CREM: variants seen among roughly 807,000 people sequenced by gnomAD.
The protein encoded by CREM is cAMP responsive element modulator, also known as cAMP-responsive element modulator.
In CREM, 13 loss-of-function variants were observed where a neutral mutation model predicts 37.3. The observed-to-expected ratio is 0.35, with a 90% CI of 0.23 to 0.55. The LOEUF (loss-of-function observed/expected upper bound fraction) is 0.55, where lower values mean the gene tolerates loss of function less well. Among genes scored for constraint, CREM ranks in the 20% least tolerant of loss-of-function variants. The pLI is 0.88. For synonymous variants in CREM, 124 were observed against 120.2 expected (o/e 1.03, Z -0.21); for missense variants, 296 against 362.3 (o/e 0.82, Z 1.49).
chr10:35,137,972 G>A (rs2090833367), intron 2 of CREM, 93 bp downstream of exon 2: 24 of 791,268 alleles, frequency 3.0e-5, no homozygotes, highest in Non-Finnish European at 4.2e-5. Flanking sequence ...ACACATACAT[G>A]TATGTATGTA....
intron 1 of CREM, among the ~76,000 whole-genome samples, chr10:35,130,609 T>A (rs2089174146): frequency 6.6e-6 from 1 of 152,240 alleles, no homozygotes; most frequent in African/African-American, 2.4e-5. Context: ...CTAGCTGTCC[T>A]AATGTCAGAG....
chr10:35,156,706 G>A (rs1056060309), intron 3 of CREM, among the ~76,000 whole-genome samples: 2 of 152,170 alleles, frequency 1.3e-5, no homozygotes, highest in Admixed American at 1.3e-4. Flanking sequence ...CACAAATGTG[G>A]ATTTTTGTAG....
At chr10:35,145,373 G>T (rs2091955897) in intron 2 of CREM, among the ~76,000 whole-genome samples, 1 of 151,826 alleles carries the variant, frequency 6.6e-6, no homozygotes, top group Non-Finnish European at 1.5e-5. Flanking sequence ...TTTCTACCTG[G>T]TGAAATCCTA....
chr10:35,163,420 A>G (rs111540151), intron 3 of CREM, among the ~76,000 whole-genome samples: 22,895 of 152,060 alleles, frequency 0.15, 1,943 homozygotes, highest in East Asian at 0.24. Flanking sequence ...ATGATGGCTC[A>G]TGCCTGTAAT....
intron 3 of CREM, among the ~76,000 whole-genome samples, chr10:35,162,874 A>T (rs2093362854): frequency 6.6e-6 from 1 of 152,200 alleles, no homozygotes; most frequent in Non-Finnish European, 1.5e-5. Flanking sequence ...TTCTTCGGGC[A>T]CCAGCAAATC....
chr10:35,209,247 CT>C, intron 7 of CREM: 1 of 880,238 alleles, frequency 1.1e-6, no homozygotes, highest in Non-Finnish European at 1.4e-6. Context: ...TGATTGGCAT[CT>C]ATAATCGATA....
intron 1 of CREM, among the ~76,000 whole-genome samples, chr10:35,134,414 G>A (rs1037494203): frequency 1.3e-5 from 2 of 151,946 alleles, no homozygotes; most frequent in Non-Finnish European, 2.9e-5. Flanking sequence ...ACAGGGTTTC[G>A]CCATGTTGGC....
intron 3 of CREM, among the ~76,000 whole-genome samples, chr10:35,151,217 G>A (rs2092576785): frequency 6.6e-6 from 1 of 152,218 alleles, no homozygotes; most frequent in Admixed American, 6.5e-5. Flanking sequence ...GTTTACGTTT[G>A]TAATGCTTCT....
intron 3 of CREM, chr10:35,152,222 A>T (rs902565378): frequency 6.6e-6 from 1 of 152,218 alleles, no homozygotes; most frequent in South Asian, 2.1e-4. Context: ...AGTGGGTTTG[A>T]TTCTTTGCAT....
At chr10:35,150,178 G>A (rs909784774) in intron 3 of CREM, among the ~76,000 whole-genome samples, 2 of 152,002 alleles carry the variant, frequency 1.3e-5, no homozygotes, top group African/African-American at 2.4e-5. Flanking sequence ...CTTTGCTGAA[G>A]TTGTAGTTGA....
At position 35,170,032 on chromosome 10, in the gene CREM, C is replaced by G. The variant is rs1280140330; in HGVS notation, c.169-8857C>G. Among the ~76,000 whole-genome samples, 21 of 144,828 alleles carry G rather than the reference C, an allele frequency of 1.5e-4. No individual in the cohort carries two copies. In the South Asian group the frequency reaches 4.3e-3, roughly 29 times the overall value. The stretch of plus-strand genomic sequence containing the variant: ...AGCTGGAGTGCAGTGGCATGATCTT[C>G]GCTCACTGCAAGCTCCATCTCCTGG... On this transcript the variant is annotated intron_variant, in intron 3 of 7. Transcript: ENST00000685392.
chr10:35,175,672 A>G, intron 3 of CREM: 1 of 1,614,048 alleles, frequency 6.2e-7, no homozygotes, highest in South Asian at 1.1e-5. Context: ...ACATCAGAAA[A>G]TGACTGTTCC....
intron 2 of CREM, among the ~76,000 whole-genome samples, chr10:35,141,561 G>A (rs1423053418): frequency 2.6e-5 from 4 of 152,154 alleles, no homozygotes; most frequent in Non-Finnish European, 4.4e-5. Context: ...GGGAACTCGG[G>A]TAGAAAGTTT....
At chr10:35,189,859 G>A (rs975120207) in intron 6 of CREM, among the ~76,000 whole-genome samples, 3 of 152,176 alleles carry the variant, frequency 2.0e-5, no homozygotes, top group South Asian at 2.1e-4. Context: ...GGTATGATAA[G>A]CATATTATAA....
At chr10:35,151,824 TGAA>T (rs1159284370) in intron 3 of CREM, among the ~76,000 whole-genome samples, 3 of 152,260 alleles carry the variant, frequency 2.0e-5, no homozygotes, top group African/African-American at 4.8e-5. Context: ...CATGATTTTT[TGAA>T]GAATTAGAAG....
At chr10:35,141,207 A>G (rs2091375279) in intron 2 of CREM, among the ~76,000 whole-genome samples, 1 of 152,244 alleles carries the variant, frequency 6.6e-6, no homozygotes, top group Non-Finnish European at 1.5e-5. Flanking sequence ...AATCAAAACT[A>G]CCAGGCACTT....
At chr10:35,162,465 T>C (rs1419586475) in intron 3 of CREM, among the ~76,000 whole-genome samples, 1 of 152,212 alleles carries the variant, frequency 6.6e-6, no homozygotes, top group Non-Finnish European at 1.5e-5. Context: ...TATTATTAAT[T>C]AGCTAGATTT....
At chr10:35,137,414 A>G (rs2090727197) in intron 1 of CREM, among the ~76,000 whole-genome samples, 1 of 152,204 alleles carries the variant, frequency 6.6e-6, no homozygotes, top group South Asian at 2.1e-4. Context: ...TAACTTCTTA[A>G]AAATAGAGCT....
rs1336972485 is a variant in CREM at position 35,182,748 on chromosome 10, A to G, written c.409+3472A>G. ...GGGAGTAGGAAAAAGCATAAAATAGACAGGGATCCATTATTACAACACCAA... is the reference window on the plus strand; with the variant it reads ...GGGAGTAGGAAAAAGCATAAAATAGGCAGGGATCCATTATTACAACACCAA... On this transcript the variant is annotated intron_variant, in intron 5 of 7. Coordinates refer to ENST00000685392, the MANE Select transcript of CREM (RefSeq NM_183011.2). Among the ~76,000 whole-genome samples the G allele has an allele frequency of 7.2e-5, 11 of 152,342 alleles. No homozygotes were observed. The East Asian group carries it at 1.5e-3, about 21-fold the overall frequency.
Sources: allele counts gnomAD v4.1 joint callset (sites outside exome capture counted in the v4.1 genomes callset), GRCh38; gene constraint gnomAD v4.1.1; transcripts MANE v1.5; gene names NCBI Gene and HGNC (gene_info 2026-07-23, HGNC 2026-07-21).